The following TMTC2 variants were observed in gnomAD, a reference collection of about 807,000 sequenced individuals.
TMTC2 encodes the protein transmembrane O-mannosyltransferase targeting cadherins 2, also known as protein O-mannosyl-transferase TMTC2.
In TMTC2, 43 loss-of-function variants were observed where a neutral mutation model predicts 82.4. That is an observed-to-expected ratio of 0.52 (90% CI 0.41 to 0.67). TMTC2 has a LOEUF of 0.67. Among genes scored for constraint, TMTC2 ranks in the 30% least tolerant of loss-of-function variants. The pLI is 0.00. For synonymous variants in TMTC2, 408 were observed against 381.9 expected (o/e 1.07, Z -0.80); for missense variants, 919 against 1,012.4 (o/e 0.91, Z 1.25).
chr12:83,132,432 G>A lies in TMTC2; in HGVS notation c.*43G>A. 1 of 1,605,242 alleles carries A rather than the reference G, an allele frequency of 6.2e-7. No individual in the cohort carries two copies. Among genetic ancestry groups the A allele is most frequent in the South Asian group, 1.1e-5 (1 of 89,876 alleles). On this transcript the variant is annotated 3_prime_UTR_variant, in exon 12 of 12. Coordinates refer to ENST00000321196, the MANE Select transcript of TMTC2 (RefSeq NM_152588.3). ...CATCCTCCTCCATTTTTAAAAGCTG[G>A]CTTCCTTAGCAGACAGAACTTCCCA... is the stretch of plus-strand genomic sequence containing the variant.
intron 1 of TMTC2, among the ~76,000 whole-genome samples, chr12:82,773,498 T>C (rs556457769): frequency 1.3e-5 from 2 of 151,462 alleles, no homozygotes; most frequent in South Asian, 4.2e-4. Context: ...TCTCGCTCTG[T>C]CACCCAGGCT....
In TMTC2 at chr12:82,687,228, C is replaced by T. The variant is rs371771054; in HGVS notation, c.-359C>T. The T allele has an allele frequency of 7.2e-4, 239 of 330,326 alleles. No individual in the cohort carries two copies. Among genetic ancestry groups the T allele is most frequent in the African/African-American group, 4.8e-3 (224 of 46,924 alleles). 20.5% of individuals were successfully genotyped at this position (330,326 alleles called of 1,614,324 possible). A position where few individuals can be genotyped will look rare whatever the true frequency, so the allele number is the denominator to read the frequency against. On this transcript the variant is annotated 5_prime_UTR_variant, in exon 1 of 12. Transcript: ENST00000321196. ...CACCTCCTCCGAGTCCCACTCCTCA[C>T]CTAGGACGCCCCAAACTGCCATGGG...
At chr12:83,008,859 T>C (rs2099507086) in intron 8 of TMTC2, among the ~76,000 whole-genome samples, 2 of 152,206 alleles carry the variant, frequency 1.3e-5, no homozygotes, top group African/African-American at 2.4e-5. Context: ...TCTGATTGTC[T>C]CCTCTCTTGC....
intron 4 of TMTC2, among the ~76,000 whole-genome samples, chr12:82,947,276 G>T (rs1451909249): frequency 6.6e-6 from 1 of 151,774 alleles, no homozygotes; most frequent in Non-Finnish European, 1.5e-5. Context: ...AACCTGGGCT[G>T]CAAAGTGTGT....
intron 1 of TMTC2, among the ~76,000 whole-genome samples, chr12:82,715,325 A>AG (rs1208753859): frequency 1.3e-5 from 2 of 152,146 alleles, no homozygotes; most frequent in African/African-American, 4.8e-5. Flanking sequence ...AACATGCATA[A>AG]GGGGAAAATC....
intron 1 of TMTC2, among the ~76,000 whole-genome samples, chr12:82,744,443 A>G (rs1875575513): frequency 6.6e-6 from 1 of 152,098 alleles, no homozygotes; most frequent in African/African-American, 2.4e-5. Context: ...TTAGCTGGGC[A>G]TGGTGGCACA....
intron 11 of TMTC2, among the ~76,000 whole-genome samples, chr12:83,100,806 T>C (rs543761127): frequency 1.3e-5 from 2 of 152,224 alleles, no homozygotes; most frequent in Admixed American, 1.3e-4. Context: ...CTGAGCTGGA[T>C]TAAGATAATC....
At chr12:82,864,064 G>A (rs1246857844) in intron 2 of TMTC2, among the ~76,000 whole-genome samples, 2 of 152,076 alleles carry the variant, frequency 1.3e-5, no homozygotes, top group Non-Finnish European at 2.9e-5. Flanking sequence ...GTGAGGAAGA[G>A]TAAAGGGTAC....
intron 1 of TMTC2, among the ~76,000 whole-genome samples, chr12:82,771,912 G>C (rs940457336): frequency 3.3e-5 from 5 of 152,142 alleles, no homozygotes; most frequent in Non-Finnish European, 5.9e-5. Flanking sequence ...TATGGGTTCT[G>C]TCTATACCAT....
chr12:83,007,986 G>A (rs948897587), intron 8 of TMTC2, among the ~76,000 whole-genome samples: 9 of 152,176 alleles, frequency 5.9e-5, no homozygotes, highest in Admixed American at 3.9e-4. Flanking sequence ...GAAGTTCACT[G>A]TAATTCGCAA....
At chr12:83,132,068 TTG>T in intron 11 of TMTC2, 140 bp from the exon 12 acceptor site, 3 of 911,004 alleles carry the variant, frequency 3.3e-6, no homozygotes, top group Non-Finnish European at 4.8e-6. Context: ...CTTTATCTGT[TTG>T]TATAAATTGC....
intron 1 of TMTC2, among the ~76,000 whole-genome samples, chr12:82,805,370 T>A (rs1168255910): frequency 6.6e-6 from 1 of 152,092 alleles, no homozygotes; most frequent in Non-Finnish European, 1.5e-5. Flanking sequence ...TTAGCACAGG[T>A]CTTTGAATAA....
chr12:82,712,556 A>T (rs1873683411), intron 1 of TMTC2, among the ~76,000 whole-genome samples: 1 of 151,670 alleles, frequency 6.6e-6, no homozygotes, highest in South Asian at 2.1e-4. Context: ...TGGGCCAGGG[A>T]GTCTGATGGA....
At chr12:82,881,898 A>C (rs1872840790) in intron 2 of TMTC2, among the ~76,000 whole-genome samples, 4 of 152,346 alleles carry the variant, frequency 2.6e-5, no homozygotes, top group African/African-American at 7.2e-5. Flanking sequence ...GTAATAAGAT[A>C]CATAGGTCTG....
At chr12:83,065,251 A>T (rs1882876574) in intron 11 of TMTC2, among the ~76,000 whole-genome samples, 1 of 151,688 alleles carries the variant, frequency 6.6e-6, no homozygotes, top group Admixed American at 6.6e-5. Context: ...GAATTTCTTT[A>T]TTTTTTCTAT....
intron 1 of TMTC2, among the ~76,000 whole-genome samples, chr12:82,762,919 CTA>C (rs1876731144): frequency 6.6e-6 from 1 of 151,850 alleles, no homozygotes; most frequent in Non-Finnish European, 1.5e-5. Flanking sequence ...AAGCATAAAA[CTA>C]TGTGAGAGAA....
intron 7 of TMTC2, among the ~76,000 whole-genome samples, chr12:82,976,596 C>A (rs1315480253): frequency 6.6e-6 from 1 of 151,858 alleles, no homozygotes. Context: ...ACTGTAGCCG[C>A]TAAAGGATTT....
chr12:83,068,061 A>T (rs1444129571), intron 11 of TMTC2, among the ~76,000 whole-genome samples: 2 of 152,110 alleles, frequency 1.3e-5, no homozygotes, highest in Non-Finnish European at 2.9e-5. Context: ...CAAAAGATTA[A>T]ACTGAGAAAC....
intron 9 of TMTC2, among the ~76,000 whole-genome samples, chr12:83,031,174 T>G (rs1881416180): frequency 2.0e-5 from 3 of 152,310 alleles, no homozygotes; most frequent in African/African-American, 7.2e-5. Flanking sequence ...AGCATCTAGC[T>G]CCTTGCCTTA....
Sources: gnomAD v4.1 joint callset for allele counts (sites outside exome capture counted in the v4.1 genomes callset) on GRCh38, gnomAD v4.1.1 for gene constraint, MANE v1.5 for transcripts, NCBI Gene and HGNC (gene_info 2026-07-23, HGNC 2026-07-21) for gene names.